The following DOCK2 variants were observed in gnomAD, a reference collection of about 807,000 sequenced individuals.
The protein encoded by DOCK2 is dedicator of cytokinesis protein 2.
Under a neutral mutation model 248.9 loss-of-function variants are expected in DOCK2, and 87 were observed. That is an observed-to-expected ratio of 0.35 (90% CI 0.29 to 0.42). The LOEUF (loss-of-function observed/expected upper bound fraction) is 0.42, where lower values mean the gene tolerates loss of function less well. Among genes scored for constraint, DOCK2 ranks in the 10% least tolerant of loss-of-function variants. The pLI is 1.00. For synonymous variants in DOCK2, 805 were observed against 821.6 expected (o/e 0.98, Z 0.35); for missense variants, 1,747 against 2,300.2 (o/e 0.76, Z 4.92).
At chr5:169,978,110 C>T (rs1400211639) in intron 27 of DOCK2, among the ~76,000 whole-genome samples, 2 of 151,968 alleles carry the variant, frequency 1.3e-5, no homozygotes, top group African/African-American at 2.4e-5. Flanking sequence ...TTTGGTCGTG[C>T]GCATTATTTG....
chr5:169,711,744 T>C (rs1334547527), intron 15 of DOCK2, among the ~76,000 whole-genome samples, 191 bp from the exon 16 acceptor site: 1 of 152,218 alleles, frequency 6.6e-6, no homozygotes, highest in Non-Finnish European at 1.5e-5. Context: ...TTACATTTGG[T>C]ACTTTATTTT....
chr5:169,897,254 G>A (rs777494031), intron 27 of DOCK2, among the ~76,000 whole-genome samples: 7 of 151,892 alleles, frequency 4.6e-5, no homozygotes, highest in South Asian at 2.1e-4. Flanking sequence ...GCATGATCTC[G>A]GCTCACTGCA....
intron 26 of DOCK2, among the ~76,000 whole-genome samples, chr5:169,826,658 A>T (rs1420862198): frequency 6.6e-6 from 1 of 152,184 alleles, no homozygotes; most frequent in Non-Finnish European, 1.5e-5. Flanking sequence ...GTTTCAAGGA[A>T]AGGGGTTGGC....
chr5:169,886,765 G>A (rs1772993415), intron 27 of DOCK2, among the ~76,000 whole-genome samples: 1 of 152,136 alleles, frequency 6.6e-6, no homozygotes, highest in African/African-American at 2.4e-5. Context: ...GTCTACTTTT[G>A]AGGGTTTCCT....
At chr5:169,740,997 A>G (rs896242998) in intron 22 of DOCK2, among the ~76,000 whole-genome samples, 4 of 151,934 alleles carry the variant, frequency 2.6e-5, no homozygotes, top group Non-Finnish European at 5.9e-5. Flanking sequence ...CACCACACCT[A>G]GCTAATTTTT....
chr5:169,992,965 T>C (rs1235823140), intron 29 of DOCK2, among the ~76,000 whole-genome samples: 4 of 152,170 alleles, frequency 2.6e-5, no homozygotes, highest in African/African-American at 9.7e-5. Context: ...TCGCGGTCAT[T>C]AGGCTGGCCT....
chr5:169,656,197 C>A (rs997657382), intron 2 of DOCK2, among the ~76,000 whole-genome samples: 2 of 152,210 alleles, frequency 1.3e-5, no homozygotes, highest in African/African-American at 4.8e-5. Context: ...AGCAGCAACT[C>A]TCCTCAGTGC....
intron 22 of DOCK2, among the ~76,000 whole-genome samples, chr5:169,733,149 C>G (rs1486557498): frequency 1.3e-5 from 2 of 151,942 alleles, no homozygotes; most frequent in African/African-American, 4.8e-5. Context: ...CTTTTTCTCC[C>G]TTTCTTTTTT....
At chr5:169,761,271 G>A (rs1764474316) in intron 24 of DOCK2, 1 of 402,668 alleles carries the variant, frequency 2.5e-6, no homozygotes, top group Admixed American at 3.9e-5. Context: ...TGCAAAGTGT[G>A]TGCTTGGTAC....
At chr5:169,918,668 T>C (rs1457189442) in intron 27 of DOCK2, among the ~76,000 whole-genome samples, 1 of 152,188 alleles carries the variant, frequency 6.6e-6, no homozygotes, top group African/African-American at 2.4e-5. Context: ...ATCCCAGCAC[T>C]TTGGGAGGCC....
In DOCK2 at chr5:169,856,180, C is replaced by G. The variant is rs112178769; in HGVS notation, c.2799+15328C>G. On this transcript the variant is annotated intron_variant, in intron 27 of 51. Transcript: ENST00000520908. ...TCAAGATGAGATTTGGGTGGGGACA[C>G]AAAACCTAACCATATCAGAATACAA... Among the ~76,000 whole-genome samples, 50 of 152,280 alleles carry G rather than the reference C, an allele frequency of 3.3e-4. 1 individual carries two copies. Among genetic ancestry groups the G allele is most frequent in the African/African-American group, 1.2e-3 (48 of 41,536 alleles).
chr5:169,886,102 A>C (rs931552592), intron 27 of DOCK2, among the ~76,000 whole-genome samples: 1 of 152,182 alleles, frequency 6.6e-6, no homozygotes, highest in African/African-American at 2.4e-5. Flanking sequence ...AGTGATCTGC[A>C]TCTCTCTTTA....
At position 169,850,347 on chromosome 5, in the gene DOCK2, T is replaced by G. The variant is rs375566016; in HGVS notation, c.2799+9495T>G. ...GTATCCCATCCGAGTCTGCCAGGGC[T>G]CAAAGCCCATCTTCTTAAGCAGCTC... On this transcript the variant is annotated intron_variant, in intron 27 of 51. Coordinates refer to ENST00000520908, the MANE Select transcript of DOCK2 (RefSeq NM_004946.3). Among the ~76,000 whole-genome samples the G allele has an allele frequency of 1.3e-3, 200 of 152,300 alleles. 6 individuals are homozygous for G. The South Asian group carries it at 0.04, about 30-fold the overall frequency.
At chr5:169,904,377 T>C (rs2113594988) in intron 27 of DOCK2, among the ~76,000 whole-genome samples, 1 of 152,302 alleles carries the variant, frequency 6.6e-6, no homozygotes, top group East Asian at 1.9e-4. Context: ...AAGAGCAACT[T>C]GTTCTCTCTA....
intron 27 of DOCK2, among the ~76,000 whole-genome samples, chr5:169,858,239 C>T (rs145998345): frequency 5.9e-5 from 9 of 152,258 alleles, no homozygotes; most frequent in East Asian, 5.8e-4. Context: ...CAAAGAATGA[C>T]GCAGATATAT....
intron 2 of DOCK2, among the ~76,000 whole-genome samples, chr5:169,660,464 TC>T (rs1267153061): frequency 6.9e-6 from 1 of 144,920 alleles, no homozygotes; most frequent in African/African-American, 2.4e-5. Flanking sequence ...AACTACATAC[TC>T]TATGTACTAT....
intron 1 of DOCK2, among the ~76,000 whole-genome samples, chr5:169,653,775 G>A (rs1275860285): frequency 6.6e-6 from 1 of 152,214 alleles, no homozygotes; most frequent in East Asian, 1.9e-4. Flanking sequence ...TCTCCCATTA[G>A]AATACAAGGC....
At chr5:169,898,493 G>A (rs550218311) in intron 27 of DOCK2, among the ~76,000 whole-genome samples, 2 of 152,004 alleles carry the variant, frequency 1.3e-5, no homozygotes, top group Admixed American at 1.3e-4. Flanking sequence ...ACATGGGATT[G>A]ATAGGAGTAT....
chr5:169,851,637 T>G (rs929593711), intron 27 of DOCK2, among the ~76,000 whole-genome samples: 1 of 152,206 alleles, frequency 6.6e-6, no homozygotes, highest in Non-Finnish European at 1.5e-5. Flanking sequence ...TATAAAGAAC[T>G]GCCCAAGATT....
Sources: allele counts gnomAD v4.1 joint callset (sites outside exome capture counted in the v4.1 genomes callset), GRCh38; gene constraint gnomAD v4.1.1; transcripts MANE v1.5; gene names NCBI Gene and HGNC (gene_info 2026-07-23, HGNC 2026-07-21).